The following CD300LF variants were observed in gnomAD, a reference collection of about 807,000 sequenced individuals.
CD300LF encodes the protein CD300 molecule like family member f.
A neutral mutation model predicts 32.2 loss-of-function variants in CD300LF; 27 were observed. The observed-to-expected ratio is 0.84, with a 90% confidence interval of 0.62 to 1.15. CD300LF has a LOEUF of 1.15. Ranked by LOEUF, CD300LF falls within the 50% of genes most tolerant of loss-of-function variation. The pLI is 0.00. For synonymous variants in CD300LF, 139 were observed against 143.2 expected (o/e 0.97, Z 0.21); for missense variants, 348 against 356.8 (o/e 0.98, Z 0.20).
At position 74,695,740 on chromosome 17, in the gene CD300LF, C is replaced by G; in HGVS notation, c.702G>C (p.Val234=). ...LSSAQVDQVE[V]EYVTMASLPK... Reference sequence around the variant, plus strand: ...GAGGACGCACCATGGTGACATATTCCACTTCCACCTGGTCAACCTGGGCAG... The same window carrying G: ...GAGGACGCACCATGGTGACATATTCGACTTCCACCTGGTCAACCTGGGCAG... Residue 234 remains valine (V), a synonymous_variant, in exon 6 of 7, where the codon GTG becomes GTC. Transcript: ENST00000326165. The G allele has an allele frequency of 6.2e-7, 1 of 1,614,142 alleles. No homozygotes were observed. Among genetic ancestry groups the G allele is most frequent in the Non-Finnish European group, 8.5e-7 (1 of 1,180,026 alleles).
chr17:74,698,755 A>G lies in CD300LF; in HGVS notation c.447-274T>C, dbSNP rs1017632657. ...AGAATCAAAAAACTACAAACTACCT[A>G]TTGGGTACTATACCTATTACCTGGG... On this transcript the variant is annotated intron_variant, in intron 3 of 6. Transcript: ENST00000326165. The G allele has an allele frequency of 1.1e-5, 7 of 643,480 alleles. No homozygotes were observed. In the African/African-American group the frequency reaches 1.1e-4, roughly 10 times the overall value. The allele number at this position is 643,480 out of a possible 1,614,324, so 39.9% of individuals were successfully genotyped here. A position where few individuals can be genotyped will look rare whatever the true frequency, so the allele number is the denominator to read the frequency against.
At chr17:74,710,866 C>CAAAA (rs111331327) in intron 1 of CD300LF, among the ~76,000 whole-genome samples, 5 of 136,596 alleles carry the variant, frequency 3.7e-5, no homozygotes, top group Admixed American at 2.2e-4. Flanking sequence ...GACTCTGTCT[C>CAAAA]AAAAAAAAAA....
At chr17:74,700,371 G>C (rs1190850457) in intron 3 of CD300LF, among the ~76,000 whole-genome samples, 1 of 151,960 alleles carries the variant, frequency 6.6e-6, no homozygotes, top group African/African-American at 2.4e-5. Context: ...CCTTATTCCA[G>C]TTGCATTTTT....
chr17:74,704,751 T>A lies in CD300LF; in HGVS notation c.109A>T (p.Thr37Ser). ...CCTGATCTGTAAACACACTGCACGG[T>A]CAAGGAGCCCCGCTCCAAGCCATTC... ...TVNGLERGSL[T>S]VQCVYRSGWE... The change falls in exon 2 of 7, where the codon ACC (threonine) becomes TCC (serine). Residue 37 changes from threonine to serine, a missense_variant. Transcript: ENST00000326165. 6.2e-7 allele frequency: 1 copy of A among 1,614,094 alleles called. No homozygotes were observed. The highest frequency in any genetic ancestry group is 8.5e-7 in the Non-Finnish European group (1 of 1,180,024).
In CD300LF at chr17:74,703,021, C is replaced by G; in HGVS notation, c.446+14G>C. The stretch of plus-strand genomic sequence containing the variant: ...TGGGCCAAGTAGGCCACAGTGGAAC[C>G]AGAGCTGGCTTACCTGTTGTCCAAG... On this transcript the variant is annotated intron_variant, in intron 3 of 6. Transcript: ENST00000326165. 4 of 1,607,428 alleles carry G rather than the reference C, an allele frequency of 2.5e-6. No homozygotes were observed. The highest frequency in any genetic ancestry group is 3.4e-6 in the Non-Finnish European group (4 of 1,174,036).
intron 4 of CD300LF, 71 bp downstream of exon 4, chr17:74,698,298 G>T: frequency 9.5e-7 from 1 of 1,056,094 alleles, no homozygotes; most frequent in Non-Finnish European, 1.5e-6. Context: ...CCTTGGACCA[G>T]ATAGCTCCCA....
intron 2 of CD300LF, among the ~76,000 whole-genome samples, chr17:74,703,724 G>A (rs946077151): frequency 6.6e-6 from 1 of 152,136 alleles, no homozygotes; most frequent in Non-Finnish European, 1.5e-5. Flanking sequence ...TGCAACCTGG[G>A]GCCCCAAGGA....
chr17:74,695,185 T>C lies in CD300LF; in HGVS notation c.784A>G (p.Thr262Ala), dbSNP rs767373475. 1 of 1,614,000 alleles carries C rather than the reference T, an allele frequency of 6.2e-7. No individual in the cohort carries two copies. Among genetic ancestry groups the C allele is most frequent in the Non-Finnish European group, 8.5e-7 (1 of 1,179,988 alleles). ...LTLGAEDQEP[T>A]YCNMGHLSSH... ...CTGAGGTGGCCCATGTTGCAGTAGG[T>C]CGGTTCCTGATCCTCAGCACCCAAG... The change falls in exon 7 of 7, where the codon ACC becomes GCC. Residue 262 changes from threonine to alanine, a missense_variant. Coordinates refer to ENST00000326165, the MANE Select transcript of CD300LF (RefSeq NM_139018.5).
intron 3 of CD300LF, among the ~76,000 whole-genome samples, chr17:74,702,661 A>C (rs2033160040): frequency 6.6e-6 from 1 of 152,108 alleles, no homozygotes; most frequent in African/African-American, 2.4e-5. Context: ...GCCCACACTC[A>C]CATGAGACAC....
chr17:74,711,347 C>T (rs1328094673), intron 1 of CD300LF, among the ~76,000 whole-genome samples: 1 of 152,170 alleles, frequency 6.6e-6, no homozygotes, highest in African/African-American at 2.4e-5. Flanking sequence ...CAAATTCTCT[C>T]ATTTCCAGGT....
chr17:74,712,814 GCCCGCTCA>G lies in CD300LF; in HGVS notation c.43+2_43+9del. 6.2e-7 allele frequency: 1 copy of G among 1,613,904 alleles called. No individual in the cohort carries two copies. The highest frequency in any genetic ancestry group is 8.5e-7 in the Non-Finnish European group (1 of 1,179,906). On this transcript the variant is annotated splice_donor_variant and splice_donor_5th_base_variant and intron_variant, in intron 1 of 6. Coordinates refer to ENST00000326165, the MANE Select transcript of CD300LF (RefSeq NM_139018.5). LOFTEE classifies it high-confidence loss of function. The stretch of plus-strand genomic sequence containing the variant: ...AGCTTCCCCAAGAAGACAGACCCAG[GCCCGCTCA>G]CCTGAGAGCCAGAAGAGGAGCAGGT...
Position 74,708,332 on chromosome 17 carries a change from T to C in CD300LF, c.44-3516A>G, listed in dbSNP as rs2143857434. On this transcript the variant is annotated intron_variant, in intron 1 of 6. Transcript: ENST00000326165. Reference sequence around the variant, plus strand: ...ACCCATACAGCTTCAATGGAAATATTTACCAAACACGTAAAGAAGAAATAA... The same window carrying C: ...ACCCATACAGCTTCAATGGAAATATCTACCAAACACGTAAAGAAGAAATAA... Among the ~76,000 whole-genome samples the C allele has an allele frequency of 1.3e-5, 2 of 152,228 alleles. 1 individual carries two copies. The highest frequency in any genetic ancestry group is 4.1e-4 in the South Asian group (2 of 4,822).
intron 1 of CD300LF, among the ~76,000 whole-genome samples, chr17:74,708,350 A>G (rs181539900): frequency 4.6e-4 from 70 of 152,320 alleles, no homozygotes; most frequent in Middle Eastern, 3.4e-3. Context: ...CACGTAAAGA[A>G]GAAATAATGT....
intron 4 of CD300LF, among the ~76,000 whole-genome samples, chr17:74,697,445 G>T (rs1247380902): frequency 6.6e-6 from 1 of 152,144 alleles, no homozygotes; most frequent in Non-Finnish European, 1.5e-5. Context: ...CAATACATTT[G>T]GGAGAAAAAG....
At chr17:74,698,257 A>T (rs746798383) in intron 4 of CD300LF, 112 bp downstream of exon 4, 32 of 799,562 alleles carry the variant, frequency 4.0e-5, no homozygotes, top group Non-Finnish European at 6.2e-5. Context: ...GGCCTTTGGG[A>T]CTGTGCCATT....
Position 74,705,354 on chromosome 17 carries a change from G to C in CD300LF, c.44-538C>G. ...AATGCCTTTGAAGTTGATCAAAACA[G>C]CAACGGCAACTGGTCTCCATGTGCT... On this transcript the variant is annotated intron_variant, in intron 1 of 6. Transcript: ENST00000326165. 9.1e-6 allele frequency: 6 copies of C among 660,646 alleles called. No individual in the cohort carries two copies. The South Asian group carries it at 9.3e-5, about 10-fold the overall frequency. 40.9% of individuals were successfully genotyped at this position (660,646 alleles called of 1,614,324 possible).
intron 5 of CD300LF, 100 bp from the exon 6 acceptor site, chr17:74,695,959 G>T (rs564421873): frequency 1.4e-5 from 20 of 1,410,992 alleles, no homozygotes; most frequent in Non-Finnish European, 1.1e-5. Context: ...CACTTCCCCA[G>T]GTGCCCCTCT....
intron 1 of CD300LF, among the ~76,000 whole-genome samples, chr17:74,708,277 T>G (rs1254163360): frequency 6.6e-6 from 1 of 152,128 alleles, no homozygotes; most frequent in Non-Finnish European, 1.5e-5. Context: ...AAATCCCTTG[T>G]TTAAAACTTC....
Position 74,712,863 on chromosome 17 carries a change from G to A in CD300LF, c.4C>T (p.Pro2Ser), listed in dbSNP as rs1422983387. ...AGGAGCAGGTAGAGTGTCAGCAGGG[G>A]CATCTTCTCTTCAGACAGGTCCCCG... is the stretch of plus-strand genomic sequence containing the variant. Reference protein sequence around the residue: MPLLTLYLLLFW... With the variant: MSLLTLYLLLFW... Residue 2 changes from proline (P) to serine (S), a missense_variant, in exon 1 of 7, where the codon CCC becomes TCC. Pro to Ser is a moderately conservative substitution (Grantham distance 74). Coordinates refer to ENST00000326165, the MANE Select transcript of CD300LF (RefSeq NM_139018.5). 3 of 1,613,860 alleles carry A rather than the reference G, an allele frequency of 1.9e-6. No homozygotes were observed. The highest frequency in any genetic ancestry group is 2.2e-5 in the East Asian group (1 of 44,882).
Sources: gnomAD v4.1 joint callset for allele counts (sites outside exome capture counted in the v4.1 genomes callset) on GRCh38, gnomAD v4.1.1 for gene constraint, MANE v1.5 for transcripts, NCBI Gene and HGNC (gene_info 2026-07-23, HGNC 2026-07-21) for gene names.